The following TMEM108 variants were observed in gnomAD, a reference collection of about 807,000 sequenced individuals.
TMEM108 encodes cancer/testis antigen 124.
In TMEM108, 12 loss-of-function variants were observed where a neutral mutation model predicts 35.1. That is an observed-to-expected ratio of 0.34 (90% CI 0.22 to 0.55). The LOEUF (loss-of-function observed/expected upper bound fraction) is 0.55. Among genes scored for constraint, TMEM108 ranks in the 20% least tolerant of loss-of-function variants. The pLI is 0.89. For missense variants in TMEM108, 680 were observed against 753.3 expected (o/e 0.90, Z 1.14); for synonymous variants, 287 against 308.6 (o/e 0.93, Z 0.73).
chr3:133,354,436 C>T (rs2072100511), intron 3 of TMEM108, among the ~76,000 whole-genome samples: 1 of 152,202 alleles, frequency 6.6e-6, no homozygotes, highest in African/African-American at 2.4e-5. Context: ...AACATTGAAT[C>T]GCTCAGCCCC....
chr3:133,332,463 G>A (rs1008565998), intron 3 of TMEM108, among the ~76,000 whole-genome samples: 1 of 152,214 alleles, frequency 6.6e-6, no homozygotes, highest in Non-Finnish European at 1.5e-5. Context: ...GGAAAGCTGG[G>A]AGAGTTGTAA....
chr3:133,323,796 C>G (rs1365012488), intron 3 of TMEM108, among the ~76,000 whole-genome samples: 2 of 152,126 alleles, frequency 1.3e-5, no homozygotes, highest in Non-Finnish European at 2.9e-5. Flanking sequence ...CCATAGTTAC[C>G]AAAACAGCAT....
intron 2 of TMEM108, among the ~76,000 whole-genome samples, chr3:133,228,152 C>T (rs1308434010): frequency 6.7e-6 from 1 of 149,994 alleles, no homozygotes; most frequent in East Asian, 2.0e-4. Flanking sequence ...AATTGTATAC[C>T]TTAAAGGCTG....
In TMEM108 at chr3:133,106,295, CT is replaced by C. The variant is rs554641969; in HGVS notation, c.-47+60280del. Among the ~76,000 whole-genome samples the C allele has an allele frequency of 2.0e-3, 301 of 150,012 alleles. 3 individuals are homozygous for C. The highest frequency in any genetic ancestry group is 7.2e-3 in the African/African-American group (296 of 40,900). On this transcript the variant is annotated intron_variant, in intron 2 of 5. Transcript: ENST00000321871. ...GGATTTCACTTAGTACTCACAGTTC[CT>C]TTTTGTGGCAGGGATTATACTGTTT...
In TMEM108 at chr3:133,095,730, G is replaced by A. The variant is rs565295664; in HGVS notation, c.-47+49710G>A. ...GAGAATCTAATGTTGCCACTGATCC[G>A]ACAGGCGGTGGAGCTCAGGTGATAA... is the stretch of plus-strand genomic sequence containing the variant. On this transcript the variant is annotated intron_variant, in intron 2 of 5. Coordinates refer to ENST00000321871, the MANE Select transcript of TMEM108 (RefSeq NM_023943.4). 3.9e-5 allele frequency among the ~76,000 whole-genome samples: 6 copies of A among 152,086 alleles called. No individual in the cohort carries two copies. In the East Asian group the frequency reaches 9.6e-4, roughly 24 times the overall value.
chr3:133,057,451 A>G lies in TMEM108; in HGVS notation c.-47+11431A>G, dbSNP rs528858612. 1.8e-3 allele frequency among the ~76,000 whole-genome samples: 54 copies of G among 29,672 alleles called. 2 individuals carry two copies. The highest frequency in any genetic ancestry group is 2.7e-3 in the African/African-American group (32 of 11,914). 19.5% of individuals were successfully genotyped at this position (29,672 alleles called of 152,430 possible). ...TGTGTGTGTGTATATATATATATATATATATATATATATATATATATATAT... is the reference window on the plus strand; with the variant it reads ...TGTGTGTGTGTATATATATATATATGTATATATATATATATATATATATAT... On this transcript the variant is annotated intron_variant, in intron 2 of 5. Coordinates refer to ENST00000321871, the MANE Select transcript of TMEM108 (RefSeq NM_023943.4).
chr3:133,091,856 A>AT (rs72446987), intron 2 of TMEM108, among the ~76,000 whole-genome samples: 34,562 of 151,652 alleles, frequency 0.23, 4,670 homozygotes, highest in Non-Finnish European at 0.3. Flanking sequence ...GAGACTTCTT[A>AT]TAAAAAAAAA....
At chr3:133,113,489 T>C (rs1346907342) in intron 2 of TMEM108, among the ~76,000 whole-genome samples, 1 of 152,208 alleles carries the variant, frequency 6.6e-6, no homozygotes, top group Non-Finnish European at 1.5e-5. Flanking sequence ...ATGAGCCATA[T>C]GAGAATGACT....
At chr3:133,129,705 A>T (rs1233628405) in intron 2 of TMEM108, among the ~76,000 whole-genome samples, 1 of 152,118 alleles carries the variant, frequency 6.6e-6, no homozygotes, top group African/African-American at 2.4e-5. Flanking sequence ...CAGGCATGCT[A>T]AGTATTTTAT....
intron 3 of TMEM108, among the ~76,000 whole-genome samples, chr3:133,325,813 G>T (rs2071326108): frequency 6.6e-6 from 1 of 151,520 alleles, no homozygotes; most frequent in South Asian, 2.1e-4. Context: ...TATGGAATAT[G>T]GCTGGGAATT....
chr3:133,224,187 A>G (rs1946033720), intron 2 of TMEM108, among the ~76,000 whole-genome samples: 2 of 152,184 alleles, frequency 1.3e-5, no homozygotes, highest in Non-Finnish European at 2.9e-5. Context: ...CTAAGCATTT[A>G]TTGAATGCCT....
At chr3:133,137,292 G>A (rs748803323) in intron 2 of TMEM108, among the ~76,000 whole-genome samples, 1 of 152,196 alleles carries the variant, frequency 6.6e-6, no homozygotes, top group African/African-American at 2.4e-5. Flanking sequence ...GGCAACTACC[G>A]TTCAAACCCA....
At chr3:133,208,945 C>A (rs78805289) in intron 2 of TMEM108, among the ~76,000 whole-genome samples, 1 of 152,138 alleles carries the variant, frequency 6.6e-6, no homozygotes, top group Admixed American at 6.5e-5. Context: ...GGTACTTTTG[C>A]GTTCCAGACT....
At chr3:133,290,772 T>G (rs982862940) in intron 3 of TMEM108, among the ~76,000 whole-genome samples, 2 of 152,168 alleles carry the variant, frequency 1.3e-5, no homozygotes, top group African/African-American at 2.4e-5. Flanking sequence ...GCGTGTAACT[T>G]TTTTTCTTCT....
At chr3:133,156,167 G>A (rs1944879147) in intron 2 of TMEM108, among the ~76,000 whole-genome samples, 1 of 151,552 alleles carries the variant, frequency 6.6e-6, no homozygotes. Flanking sequence ...TTTCTCCTGA[G>A]ATACTCAAAG....
chr3:133,063,441 T>C (rs923679408), intron 2 of TMEM108, among the ~76,000 whole-genome samples: 1 of 152,120 alleles, frequency 6.6e-6, no homozygotes, highest in Non-Finnish European at 1.5e-5. Context: ...GTTCAGGGAA[T>C]GTGGGGAGAA....
chr3:133,173,766 T>G (rs1945165882), intron 2 of TMEM108, among the ~76,000 whole-genome samples: 1 of 151,848 alleles, frequency 6.6e-6, no homozygotes, highest in Non-Finnish European at 1.5e-5. Flanking sequence ...CCAGCATGAG[T>G]GACGCAGAAG....
intron 2 of TMEM108, among the ~76,000 whole-genome samples, chr3:133,135,796 G>A (rs1042097311): frequency 6.6e-6 from 1 of 152,056 alleles, no homozygotes; most frequent in African/African-American, 2.4e-5. Context: ...ATGTACTCCA[G>A]GGACTCTAAT....
At chr3:133,245,076 AC>A (rs1559880416) in intron 3 of TMEM108, among the ~76,000 whole-genome samples, 1 of 152,152 alleles carries the variant, frequency 6.6e-6, no homozygotes, top group Non-Finnish European at 1.5e-5. Context: ...CTAGGACAGG[AC>A]TTTTATTCCC....
Sources: allele counts gnomAD v4.1 joint callset (sites outside exome capture counted in the v4.1 genomes callset), GRCh38; gene constraint gnomAD v4.1.1; transcripts MANE v1.5; gene names NCBI Gene and HGNC (gene_info 2026-07-23, HGNC 2026-07-21).